Variants in RGS7 observed in about 807,000 individuals in gnomAD.
The protein encoded by RGS7 is regulator of G protein signaling 7.
In RGS7, 27 loss-of-function variants were observed where a neutral mutation model predicts 81.1. That is an observed-to-expected ratio of 0.33 (90% CI 0.25 to 0.46). The LOEUF is 0.46. Ranked by LOEUF, RGS7 falls within the 20% of genes least tolerant of loss-of-function variation. The probability of loss-of-function intolerance (pLI) is 1.00; values close to 1 mark genes in which losing one functional copy is unlikely to be tolerated. For missense variants in RGS7, 396 were observed against 607.4 expected, an observed-to-expected ratio of 0.65 and a Z score of 3.66; for synonymous variants, 208 against 207.7, an observed-to-expected ratio of 1.00 and a Z score of -0.01.
intron 9 of RGS7, among the ~76,000 whole-genome samples, chr1:240,858,573 A>G (rs1661581460): frequency 6.6e-6 from 1 of 152,132 alleles, no homozygotes; most frequent in African/African-American, 2.4e-5. Flanking sequence ...TGGCTGTTTT[A>G]TTACTATTGT....
At chr1:240,885,577 T>G (rs961400056) in intron 6 of RGS7, among the ~76,000 whole-genome samples, 8 of 152,152 alleles carry the variant, frequency 5.3e-5, no homozygotes, top group African/African-American at 1.9e-4. Context: ...TGAGAAAGAA[T>G]GAGATCATGT....
intron 3 of RGS7, among the ~76,000 whole-genome samples, chr1:241,006,438 A>G (rs1462063694): frequency 2.0e-5 from 3 of 152,234 alleles, no homozygotes; most frequent in Admixed American, 1.3e-4. Flanking sequence ...AAAAATGTCT[A>G]TATCAAGCTC....
chr1:240,960,592 T>C (rs572752840), intron 4 of RGS7, among the ~76,000 whole-genome samples: 4 of 148,252 alleles, frequency 2.7e-5, no homozygotes, highest in Non-Finnish European at 5.9e-5. Context: ...AATCCAACTT[T>C]AAAAGCCAAG....
At chr1:241,051,924 A>G (rs1293327020) in intron 3 of RGS7, among the ~76,000 whole-genome samples, 2 of 152,068 alleles carry the variant, frequency 1.3e-5, no homozygotes, top group Non-Finnish European at 2.9e-5. Flanking sequence ...CTTGTCCACA[A>G]CCGTACACGT....
chr1:241,081,128 C>A (rs1416436546), intron 3 of RGS7, among the ~76,000 whole-genome samples: 1 of 152,174 alleles, frequency 6.6e-6, no homozygotes, highest in African/African-American at 2.4e-5. Flanking sequence ...TAGTGCTGAA[C>A]CTGCCCTCCC....
chr1:240,875,146 T>G (rs1350966530), intron 6 of RGS7, among the ~76,000 whole-genome samples: 1 of 152,208 alleles, frequency 6.6e-6, no homozygotes, highest in Non-Finnish European at 1.5e-5. Context: ...CTTCCAGAAC[T>G]TAGTCCTCTA....
chr1:241,192,159 GGTGTGTGTGTGTGTGTGT>G (rs58714151), intron 2 of RGS7, among the ~76,000 whole-genome samples: 12 of 122,008 alleles, frequency 9.8e-5, no homozygotes, highest in East Asian at 2.2e-4. Flanking sequence ...AGAGAAAACA[GGTGTGTGTGTGTGTGTGT>G]GTGTGTGTGT....
In RGS7 at chr1:241,163,522, G is replaced by A. The variant is rs545355278; in HGVS notation, c.79-64760C>T. ...CTTCCAGATCTAGGAAAGATTAACC[G>A]ACTGTCGACACCTTTGAAGGTCTGA... On this transcript the variant is annotated intron_variant, in intron 2 of 18. Transcript: ENST00000440928. The surrounding 1 kb of genome is among the most constrained non-coding windows in gnomAD (Gnocchi z 4.6). Among the ~76,000 whole-genome samples the A allele has an allele frequency of 3.0e-4, 45 of 152,094 alleles. No individual in the cohort carries two copies. Among genetic ancestry groups the A allele is most frequent in the African/African-American group, 1.1e-3 (44 of 41,500 alleles).
chr1:241,157,408 C>T (rs60653166), intron 2 of RGS7, among the ~76,000 whole-genome samples: 6,267 of 152,270 alleles, frequency 0.041, 411 homozygotes, highest in African/African-American at 0.14. Context: ...ATAGGCTTCC[C>T]TCCATGACTC....
At chr1:240,979,651 T>C (rs1684643525) in intron 4 of RGS7, among the ~76,000 whole-genome samples, 1 of 152,114 alleles carries the variant, frequency 6.6e-6, no homozygotes, top group South Asian at 2.1e-4. Context: ...AAGTTATGAA[T>C]TGGAGCATTC....
At chr1:240,843,479 T>C (rs900199343) in intron 9 of RGS7, among the ~76,000 whole-genome samples, 1 of 152,164 alleles carries the variant, frequency 6.6e-6, no homozygotes, top group African/African-American at 2.4e-5. Flanking sequence ...TTGCCCAGGC[T>C]GGTCTTCAAC....
chr1:240,835,306 G>T (rs1410309963), intron 9 of RGS7, among the ~76,000 whole-genome samples: 1 of 152,108 alleles, frequency 6.6e-6, no homozygotes, highest in African/African-American at 2.4e-5. Context: ...CCTCACCAAA[G>T]AAAATATACA....
intron 18 of RGS7, among the ~76,000 whole-genome samples, chr1:240,793,611 A>ATATATATATATATATATATATATTTTT: frequency 3.8e-5 from 3 of 78,810 alleles, no homozygotes; most frequent in Admixed American, 1.5e-4. Flanking sequence ...ATATATATAT[A>ATATATATATATATATATATATATTTTT]TTTTTTTTTT....
intron 3 of RGS7, among the ~76,000 whole-genome samples, chr1:241,094,988 G>T (rs1022800935): frequency 4.6e-5 from 7 of 152,190 alleles, no homozygotes; most frequent in Non-Finnish European, 2.9e-5. Context: ...GAAGGAGAAA[G>T]AACTAGATTA....
At chr1:241,211,047 G>A (rs764957639) in intron 2 of RGS7, among the ~76,000 whole-genome samples, 2 of 152,194 alleles carry the variant, frequency 1.3e-5, no homozygotes, top group Non-Finnish European at 2.9e-5. Context: ...CACTTTGGGA[G>A]GACGAGAAGG....
chr1:240,813,691 G>T lies in RGS7; in HGVS notation c.883C>A (p.Pro295Thr). ...SYTEQYLEYD[P>T]FLLPPDPSNP... ...GAAGGGTCAGGTGGCAAAAGAAACG[G>T]GTCGTATTCTAAATACTGTTCCGTG... Residue 295 changes from proline (P) to threonine (T), a missense_variant, in exon 13 of 19, where the codon CCG (proline) becomes ACG (threonine). Transcript: ENST00000440928. 1 of 1,613,496 alleles carries T rather than the reference G, an allele frequency of 6.2e-7. No individual in the cohort carries two copies. The highest frequency in any genetic ancestry group is 8.5e-7 in the Non-Finnish European group (1 of 1,179,476).
chr1:241,071,874 CAAAAAA>C (rs58217460), intron 3 of RGS7, among the ~76,000 whole-genome samples: 16 of 56,846 alleles, frequency 2.8e-4, no homozygotes, highest in South Asian at 9.0e-4. Context: ...GAGACCCTGT[CAAAAAA>C]AAAAAAAAAA....
intron 18 of RGS7, among the ~76,000 whole-genome samples, chr1:240,791,693 C>G (rs1198059476): frequency 6.6e-6 from 1 of 152,006 alleles, no homozygotes; most frequent in Non-Finnish European, 1.5e-5. Context: ...TGTTGATGAC[C>G]CAGGGCTGTC....
chr1:241,041,914 T>A (rs1048132023), intron 3 of RGS7, among the ~76,000 whole-genome samples: 1 of 152,098 alleles, frequency 6.6e-6, no homozygotes, highest in Non-Finnish European at 1.5e-5. Flanking sequence ...TGTTGTTGTG[T>A]CCCTGGAACC....
Sources: allele counts gnomAD v4.1 joint callset (sites outside exome capture counted in the v4.1 genomes callset), GRCh38; gene constraint gnomAD v4.1.1; non-coding constraint Gnocchi (gnomAD v3.1); transcripts MANE v1.5; gene names NCBI Gene and HGNC (gene_info 2026-07-23, HGNC 2026-07-21).